HEPH: variants seen among roughly 807,000 people sequenced by gnomAD.
HEPH encodes the protein hephaestin.
In HEPH, 69 loss-of-function variants were observed where a neutral mutation model predicts 80.8. The observed-to-expected ratio is 0.85, with a 90% CI of 0.70 to 1.04. The LOEUF (loss-of-function observed/expected upper bound fraction) is 1.04. HEPH is among the 50% of genes least tolerant of loss of function. The pLI, the probability that HEPH is intolerant of heterozygous loss-of-function variation, is 0.00. For synonymous variants in HEPH, 431 were observed against 322.8 expected (o/e 1.34, Z -3.60); for missense variants, 1,115 against 891.3 (o/e 1.25, Z -3.20).
chrX:66,200,518 G>A, intron 11 of HEPH, 22 bp from the exon 12 acceptor site: 1 of 1,158,084 alleles, frequency 8.6e-7, no homozygotes, highest in Non-Finnish European at 1.2e-6. Context: ...TCCCCACCTT[G>A]TCTTGTGTTT....
At chrX:66,209,716 A>G (rs1371499792) in intron 15 of HEPH, among the ~76,000 whole-genome samples, 2 of 111,969 alleles carry the variant, frequency 1.8e-5, no homozygotes, top group Non-Finnish European at 3.8e-5. Context: ...GTTTTTGGAG[A>G]AAGATTCTTA....
At chrX:66,253,309 C>T (rs865836051) in intron 15 of HEPH, among the ~76,000 whole-genome samples, 41 of 112,161 alleles carry the variant, frequency 3.7e-4, no homozygotes, top group Non-Finnish European at 7.3e-4. Flanking sequence ...TTTGAATAAA[C>T]ATTGCTCCCA....
chrX:66,186,098 C>G (rs1228042045), intron 4 of HEPH, among the ~76,000 whole-genome samples: 1 of 45,730 alleles, frequency 2.2e-5, no homozygotes, highest in African/African-American at 1.0e-4. Flanking sequence ...AACCACTGCT[C>G]TCTTCAAAGC....
At chrX:66,204,007 A>G (rs969654786) in intron 13 of HEPH, among the ~76,000 whole-genome samples, 1 of 112,400 alleles carries the variant, frequency 8.9e-6, no homozygotes, top group Non-Finnish European at 1.9e-5. Flanking sequence ...TCTTATTCAC[A>G]TAATAATACA....
intron 8 of HEPH, among the ~76,000 whole-genome samples, chrX:66,194,082 A>C (rs1209217217): frequency 8.9e-6 from 1 of 112,007 alleles, no homozygotes; most frequent in Non-Finnish European, 1.9e-5. Context: ...GGAATGCAGA[A>C]TAGGCTTAGA....
intron 3 of HEPH, among the ~76,000 whole-genome samples, chrX:66,172,880 T>C (rs904559007): frequency 8.9e-6 from 1 of 112,133 alleles, no homozygotes; most frequent in African/African-American, 3.2e-5. Context: ...ACTATTTGAA[T>C]GGCATCTCCA....
Position 66,197,746 on chromosome X carries a change from C to A in HEPH, c.1565C>A (p.Pro522His). 8.3e-7 allele frequency: 1 copy of A among 1,211,604 alleles called. No individual in the cohort carries two copies. Among genetic ancestry groups the A allele is most frequent in the East Asian group, 3.0e-5 (1 of 33,827 alleles). ...FEKVTYRWTV[P>H]PHAGPTAQDP... The stretch of plus-strand genomic sequence containing the variant: ...AAAGTAACATACCGCTGGACAGTCC[C>A]CCCTCATGCCGGTCCCACTGCTCAG... Residue 522 changes from proline (P) to histidine (H), a missense_variant, in exon 10 of 21, where the codon CCC becomes CAC. By Grantham distance (77) the Pro-to-His change is moderately conservative (BLOSUM62 -2). Coordinates refer to ENST00000343002, the MANE Select transcript of HEPH (RefSeq NM_001367233.3).
chrX:66,166,014 G>C (rs950775663), intron 1 of HEPH, among the ~76,000 whole-genome samples: 1 of 110,269 alleles, frequency 9.1e-6, no homozygotes, highest in Non-Finnish European at 1.9e-5. Context: ...AACTAATGAG[G>C]GGCCCAAAGT....
chrX:66,237,557 A>G (rs2090411722), intron 15 of HEPH, among the ~76,000 whole-genome samples: 1 of 111,361 alleles, frequency 9.0e-6, no homozygotes, highest in South Asian at 3.7e-4. Context: ...TATGTGGTTG[A>G]TTTTGATGTA....
chrX:66,200,978 T>C (rs1284294640), intron 12 of HEPH, among the ~76,000 whole-genome samples: 1 of 111,757 alleles, frequency 8.9e-6, no homozygotes, highest in African/African-American at 3.3e-5. Flanking sequence ...TGGAGGAAGC[T>C]CTTTTCTGGA....
chrX:66,233,036 C>A (rs2090216808), intron 15 of HEPH, among the ~76,000 whole-genome samples: 1 of 110,573 alleles, frequency 9.0e-6, no homozygotes, highest in African/African-American at 3.3e-5. Flanking sequence ...CCTACAGAAG[C>A]ATGATTATGA....
intron 16 of HEPH, among the ~76,000 whole-genome samples, chrX:66,255,343 C>A (rs1356030199): frequency 9.0e-6 from 1 of 110,729 alleles, no homozygotes; most frequent in Non-Finnish European, 1.9e-5. Flanking sequence ...TGAAGATTTT[C>A]TTCCTTATCT....
chrX:66,209,774 A>T (rs1478782918), intron 15 of HEPH, among the ~76,000 whole-genome samples: 2 of 112,077 alleles, frequency 1.8e-5, no homozygotes, highest in African/African-American at 3.2e-5. Flanking sequence ...TAGTGATGCC[A>T]TTCATCAAGA....
chrX:66,172,261 G>T, intron 2 of HEPH, 94 bp from the exon 3 acceptor site: 1 of 848,388 alleles, frequency 1.2e-6, no homozygotes. Flanking sequence ...CCTAAACAAA[G>T]ATAGTCACTT....
At chrX:66,257,767 G>C (rs778887548) in intron 17 of HEPH, among the ~76,000 whole-genome samples, 1 of 111,745 alleles carries the variant, frequency 8.9e-6, no homozygotes, top group Non-Finnish European at 1.9e-5. Flanking sequence ...TCCACAATTT[G>C]GTAGAGGTAG....
rs756532269 is a variant in HEPH at position 66,200,650 on chromosome X, A to G, written c.1975A>G (p.Met659Val). The change falls in exon 12 of 21, where the codon ATG (methionine) becomes GTG (valine). Residue 659 changes from methionine to valine, a missense_variant. Met to Val is a conservative substitution (Grantham distance 21). Transcript: ENST00000343002. ...CACAGAGACTGATGTGCATGGAGTC[A>G]TGTTCCAGGGCAACACTGTGCAGCT... ...LGTETDVHGV[M>V]FQGNTVQLQG... The G allele has an allele frequency of 5.8e-6, 7 of 1,211,398 alleles. No individual in the cohort carries two copies. The highest frequency in any genetic ancestry group is 2.2e-5 in the Admixed American group (1 of 46,053).
intron 15 of HEPH, among the ~76,000 whole-genome samples, chrX:66,253,538 G>A (rs1221688262): frequency 8.9e-6 from 1 of 112,174 alleles, no homozygotes; most frequent in African/African-American, 3.2e-5. Flanking sequence ...TGGTGCACGT[G>A]CTTTGGAAAG....
In HEPH at chrX:66,258,930, A is replaced by T. The variant is rs2091268724; in HGVS notation, c.2987A>T (p.Asp996Val). 1 of 1,203,042 alleles carries T rather than the reference A, an allele frequency of 8.3e-7. No homozygotes were observed. The highest frequency in any genetic ancestry group is 1.1e-6 in the Non-Finnish European group (1 of 891,089). ...TGGTACATGCTGGCCATGGGCCAAG[A>T]TGTGGATCTACACACCATCCACTTT... Reference protein sequence around the residue: ...VAWYMLAMGQDVDLHTIHFHA... With the variant: ...VAWYMLAMGQVVDLHTIHFHA... The change falls in exon 18 of 21, where the codon GAT (aspartate) becomes GTT (valine). Residue 996 changes from aspartate (D) to valine (V), a missense_variant. Asp to Val is a radical substitution (Grantham distance 152, BLOSUM62 -3). This residue lies in a region of HEPH where 716 missense variants were observed against 523.5 expected (regional missense o/e 1.37). Transcript: ENST00000343002.
At chrX:66,265,077 C>T (rs1440419897) in intron 20 of HEPH, among the ~76,000 whole-genome samples, 1 of 110,147 alleles carries the variant, frequency 9.1e-6, no homozygotes, top group Non-Finnish European at 1.9e-5. Context: ...TTCAATGTCA[C>T]AAAAGGAGTA....
Sources: allele counts gnomAD v4.1 joint callset (sites outside exome capture counted in the v4.1 genomes callset), GRCh38; gene constraint gnomAD v4.1.1; regional missense constraint gnomAD v4.1.1; transcripts MANE v1.5; gene names NCBI Gene and HGNC (gene_info 2026-07-23, HGNC 2026-07-21).